The following NOX4 variants were observed in gnomAD, a reference collection of about 807,000 sequenced individuals.
NOX4 encodes the protein kidney oxidase-1.
NOX4 carries 69 observed loss-of-function variants against 87.6 expected under a neutral mutation model. That is an observed-to-expected ratio of 0.79 (90% CI 0.65 to 0.96). The LOEUF (loss-of-function observed/expected upper bound fraction) is 0.96. Among genes scored for constraint, NOX4 ranks in the 40% least tolerant of loss-of-function variants. The pLI is 0.00. For missense variants in NOX4, 680 were observed against 681.5 expected, an observed-to-expected ratio of 1.00 and a Z score of 0.02; for synonymous variants, 275 against 238.2, an observed-to-expected ratio of 1.15 and a Z score of -1.42.
At chr11:89,409,256 C>A (rs944840394) in intron 8 of NOX4, among the ~76,000 whole-genome samples, 1 of 152,066 alleles carries the variant, frequency 6.6e-6, no homozygotes, top group African/African-American at 2.4e-5. Context: ...CCTCCTTTCC[C>A]CCAACTTTCT....
At chr11:89,380,117 T>C (rs1185478039) in intron 11 of NOX4, among the ~76,000 whole-genome samples, 1 of 152,214 alleles carries the variant, frequency 6.6e-6, no homozygotes, top group Non-Finnish European at 1.5e-5. Flanking sequence ...CATATGGATG[T>C]ATCAACAAGA....
chr11:89,437,218 CTT>C (rs1270125691), intron 6 of NOX4, among the ~76,000 whole-genome samples: 1 of 151,624 alleles, frequency 6.6e-6, no homozygotes, highest in Non-Finnish European at 1.5e-5. Flanking sequence ...ATACAAAAAA[CTT>C]AGCCGGGCAT....
chr11:89,471,938 T>G (rs1424000253), intron 2 of NOX4, among the ~76,000 whole-genome samples: 1 of 152,196 alleles, frequency 6.6e-6, no homozygotes, highest in Non-Finnish European at 1.5e-5. Context: ...AAACAGGGTT[T>G]CACCAGTTGG....
chr11:89,487,519 G>A (rs1012639337), intron 2 of NOX4, among the ~76,000 whole-genome samples: 1 of 152,082 alleles, frequency 6.6e-6, no homozygotes, highest in Non-Finnish European at 1.5e-5. Flanking sequence ...TTATCAAAAT[G>A]TTCAGCCATG....
Position 89,400,044 on chromosome 11 carries a change from T to G in NOX4, c.1047A>C (p.Leu349Phe). The G allele has an allele frequency of 1.2e-6, 2 of 1,609,230 alleles. No homozygotes were observed. The highest frequency in any genetic ancestry group is 1.7e-6 in the Non-Finnish European group (2 of 1,176,534). ...ITLHCPSVSA[L>F]ENHPFTLTMC... Reference sequence around the variant, plus strand: ...TTGTGAGGGTAAATGGATGATTTTCTAATGCAGATACACTGGGACAATGTA... The same window carrying G: ...TTGTGAGGGTAAATGGATGATTTTCGAATGCAGATACACTGGGACAATGTA... The change falls in exon 11 of 18, where the codon TTA becomes TTC. Residue 349 changes from leucine (L) to phenylalanine (F), a missense_variant. By Grantham distance (22) the Leu-to-Phe change is conservative. Coordinates refer to ENST00000263317, the MANE Select transcript of NOX4 (RefSeq NM_016931.5).
At chr11:89,388,921 T>G (rs1244214811) in intron 11 of NOX4, among the ~76,000 whole-genome samples, 1 of 152,202 alleles carries the variant, frequency 6.6e-6, no homozygotes, top group Non-Finnish European at 1.5e-5. Context: ...GGATTAATAT[T>G]CAGAGTAACT....
chr11:89,449,596 T>C, intron 3 of NOX4, 72 bp from the exon 4 acceptor site: 7 of 1,195,356 alleles, frequency 5.9e-6, no homozygotes, highest in Non-Finnish European at 8.4e-6. Context: ...TATAGCATTG[T>C]TCATTATGTC....
intron 13 of NOX4, among the ~76,000 whole-genome samples, chr11:89,350,734 A>T (rs1217870179): frequency 2.7e-5 from 4 of 150,422 alleles, no homozygotes; most frequent in African/African-American, 1.0e-4. Context: ...ACTTTACAGA[A>T]TTTTTTTTAT....
At chr11:89,349,910 T>C (rs1288826053) in intron 13 of NOX4, among the ~76,000 whole-genome samples, 52 of 152,328 alleles carry the variant, frequency 3.4e-4, no homozygotes, top group Non-Finnish European at 4.4e-5. Flanking sequence ...TAAAAATATA[T>C]TATAACTACT....
the NOX4 span, among the ~76,000 whole-genome samples, chr11:89,535,777 T>A: frequency 4.1e-4 from 63 of 152,190 alleles, no homozygotes; most frequent in African/African-American, 1.4e-3. Flanking sequence ...TGAAATTAGA[T>A]AACAAATATA....
chr11:89,570,058 T>A, the NOX4 span, among the ~76,000 whole-genome samples: 6 of 151,090 alleles, frequency 4.0e-5, no homozygotes, highest in South Asian at 6.3e-4. Flanking sequence ...GACACATTAA[T>A]GCATATGTTT....
At chr11:89,564,173 T>C in the NOX4 span, among the ~76,000 whole-genome samples, 1 of 152,158 alleles carries the variant, frequency 6.6e-6, no homozygotes, top group Non-Finnish European at 1.5e-5. Flanking sequence ...ACTGTATTAG[T>C]CCATTCTCAC....
intron 17 of NOX4, among the ~76,000 whole-genome samples, chr11:89,330,244 G>A (rs559385605): frequency 3.3e-5 from 5 of 152,088 alleles, no homozygotes; most frequent in African/African-American, 1.2e-4. Context: ...AGCTACTCAG[G>A]AAACTGAGGT....
At chr11:89,581,764 G>GA in the NOX4 span, among the ~76,000 whole-genome samples, 1 of 152,062 alleles carries the variant, frequency 6.6e-6, no homozygotes, top group African/African-American at 2.4e-5. Flanking sequence ...AACTTGATAA[G>GA]TTTGGAGGTA....
chr11:89,572,756 T>C, the NOX4 span, among the ~76,000 whole-genome samples: 48 of 152,276 alleles, frequency 3.2e-4, no homozygotes, highest in African/African-American at 8.2e-4. Flanking sequence ...CCAACCTTTC[T>C]GTATTTTCTT....
chr11:89,514,319 T>C, the NOX4 span, among the ~76,000 whole-genome samples: 2 of 152,020 alleles, frequency 1.3e-5, no homozygotes, highest in Non-Finnish European at 2.9e-5. Context: ...TACTAGTGTA[T>C]AGAATTACAG....
chr11:89,335,704 C>T, intron 17 of NOX4, 141 bp downstream of exon 17: 1 of 503,112 alleles, frequency 2.0e-6, no homozygotes, highest in Non-Finnish European at 3.6e-6. Context: ...TTACTTCTTC[C>T]TTTGATAGTG....
chr11:89,418,145 T>C (rs1329178267), intron 8 of NOX4, among the ~76,000 whole-genome samples: 1 of 151,720 alleles, frequency 6.6e-6, no homozygotes, highest in Non-Finnish European at 1.5e-5. Context: ...GAACAAAAAA[T>C]TTGGGTCCTA....
chr11:89,538,770 T>G, the NOX4 span, among the ~76,000 whole-genome samples: 2 of 152,032 alleles, frequency 1.3e-5, no homozygotes, highest in African/African-American at 4.8e-5. Flanking sequence ...AAGAATAAAG[T>G]GTAGCAGGGA....
Sources: gnomAD v4.1 joint callset for allele counts (sites outside exome capture counted in the v4.1 genomes callset) on GRCh38, gnomAD v4.1.1 for gene constraint, MANE v1.5 for transcripts, NCBI Gene and HGNC (gene_info 2026-07-23, HGNC 2026-07-21) for gene names.